The following VWA3B variants were observed in gnomAD, a reference collection of about 807,000 sequenced individuals.
VWA3B encodes the protein von Willebrand factor A domain-containing protein 3B.
In VWA3B, 138 loss-of-function variants were observed where a neutral mutation model predicts 158.3. The ratio of observed to expected loss-of-function variants is 0.87; its 90% confidence interval spans 0.76 to 1.00. VWA3B has a LOEUF of 1.00. Among genes scored for constraint, VWA3B ranks in the 50% least tolerant of loss-of-function variants. The probability of loss-of-function intolerance (pLI) is 0.00; values close to 1 mark genes in which losing one functional copy is unlikely to be tolerated. For missense variants in VWA3B, 1,555 were observed against 1,565.1 expected, an observed-to-expected ratio of 0.99 and a Z score of 0.11; for synonymous variants, 596 against 587.3, an observed-to-expected ratio of 1.01 and a Z score of -0.21.
At chr2:98,183,192 T>C in intron 9 of VWA3B, among the ~76,000 whole-genome samples, 1 of 126,404 alleles carries the variant, frequency 7.9e-6, no homozygotes, top group East Asian at 3.0e-4. Context: ...CAGCTCCCTT[T>C]TTTTTTTTTT....
rs1573815345 is a variant in VWA3B at position 98,119,601 on chromosome 2, C to G, written c.380C>G (p.Thr127Ser). 1 of 1,614,098 alleles carries G rather than the reference C, an allele frequency of 6.2e-7. No homozygotes were observed. Residue 127 changes from threonine to serine, a missense_variant, in exon 4 of 28, where the codon ACC becomes AGC. Transcript: ENST00000477737. ...ESYKQRMDWLTSKSRQIFGVI... is the reference protein window; with the variant it reads ...ESYKQRMDWLSSKSRQIFGVI... ...TACAAGCAGCGAATGGACTGGCTCA[C>G]CAGCAAGAGCCGGCAGATTTTTGGT...
At chr2:98,255,182 A>ATTTTTTTTT (rs769708577) in intron 20 of VWA3B, among the ~76,000 whole-genome samples, 1 of 52,160 alleles carries the variant, frequency 1.9e-5, no homozygotes, top group African/African-American at 7.1e-5. Context: ...CCCGGCTGAT[A>ATTTTTTTTT]TTTTTTTTTT....
intron 22 of VWA3B, among the ~76,000 whole-genome samples, chr2:98,277,483 A>G (rs1688595559): frequency 6.6e-6 from 1 of 152,242 alleles, no homozygotes. Flanking sequence ...CAGAAAGATC[A>G]AAAAGGCTCT....
intron 22 of VWA3B, among the ~76,000 whole-genome samples, chr2:98,286,231 T>G (rs1689159921): frequency 6.6e-6 from 1 of 152,128 alleles, no homozygotes; most frequent in African/African-American, 2.4e-5. Flanking sequence ...AAAGACAGTT[T>G]TACTTGTTCC....
intron 19 of VWA3B, among the ~76,000 whole-genome samples, chr2:98,239,527 TG>T (rs988022536): frequency 5.3e-5 from 8 of 151,422 alleles, no homozygotes; most frequent in Non-Finnish European, 1.0e-4. Context: ...TGTTGGGAGA[TG>T]TTTTTTTTTT....
At position 98,254,897 on chromosome 2, in the gene VWA3B, G is replaced by A. The variant is rs75395957; in HGVS notation, c.2793-1227G>A. On this transcript the variant is annotated intron_variant, in intron 20 of 27. Coordinates refer to ENST00000477737, the MANE Select transcript of VWA3B (RefSeq NM_144992.5). ...GCAGGGCAGGAGAATGCAGCCACCCGAAATGTGTCCTCTGAGCCCTGTCCA... is the reference window on the plus strand; with the variant it reads ...GCAGGGCAGGAGAATGCAGCCACCCAAAATGTGTCCTCTGAGCCCTGTCCA... Among the ~76,000 whole-genome samples, 1,210 of 152,282 alleles carry A rather than the reference G, an allele frequency of 7.9e-3. 20 individuals are homozygous for A. The highest frequency in any genetic ancestry group is 0.028 in the African/African-American group (1,142 of 41,518).
chr2:98,098,717 A>T (rs1306315611), intron 2 of VWA3B, among the ~76,000 whole-genome samples: 2 of 152,100 alleles, frequency 1.3e-5, no homozygotes, highest in African/African-American at 4.8e-5. Flanking sequence ...CAAGGTAATT[A>T]TTGATAAGTA....
chr2:98,218,985 A>G (rs1344155893), intron 14 of VWA3B, among the ~76,000 whole-genome samples: 2 of 152,200 alleles, frequency 1.3e-5, no homozygotes, highest in Non-Finnish European at 2.9e-5. Flanking sequence ...TCCACCTAGG[A>G]AATCTTAAAT....
chr2:98,299,948 GA>G (rs1266402508), intron 24 of VWA3B, 130 bp from the exon 25 acceptor site: 50 of 1,256,580 alleles, frequency 4.0e-5, no homozygotes, highest in Middle Eastern at 2.2e-4. Context: ...TCTTAACTGA[GA>G]AAAAAAATAT....
chr2:98,257,218 G>A (rs1687211923), intron 21 of VWA3B, among the ~76,000 whole-genome samples: 1 of 151,906 alleles, frequency 6.6e-6, no homozygotes, highest in Non-Finnish European at 1.5e-5. Context: ...GTCTTTCTGT[G>A]CCGGGCTTAT....
rs191459219 is a variant in VWA3B, at chr2:98,283,903, G to C, written c.3046-6608G>C. The stretch of plus-strand genomic sequence containing the variant: ...CCTGTTTCTCCTGCCTCCTAGTCCA[G>C]CTCCTTCCTCTGAGGTCATTTCAAG... On this transcript the variant is annotated intron_variant, in intron 22 of 27. Coordinates refer to ENST00000477737, the MANE Select transcript of VWA3B (RefSeq NM_144992.5). Among the ~76,000 whole-genome samples, 446 of 152,336 alleles carry C rather than the reference G, an allele frequency of 2.9e-3. 1 individual carries two copies. Among genetic ancestry groups the C allele is most frequent in the African/African-American group, 9.8e-3 (409 of 41,572 alleles).
chr2:98,282,896 C>T (rs1019175679), intron 22 of VWA3B, among the ~76,000 whole-genome samples: 1 of 152,172 alleles, frequency 6.6e-6, no homozygotes, highest in African/African-American at 2.4e-5. Context: ...AATGCCATAG[C>T]ATTGCTACCA....
intron 5 of VWA3B, among the ~76,000 whole-genome samples, chr2:98,123,220 G>T (rs776939338): frequency 3.9e-5 from 6 of 152,190 alleles, no homozygotes; most frequent in Non-Finnish European, 7.3e-5. Flanking sequence ...AAGGCTTAAA[G>T]AATTTTTTGA....
intron 10 of VWA3B, 147 bp downstream of exon 10, chr2:98,188,276 A>G: frequency 2.7e-6 from 3 of 1,091,128 alleles, no homozygotes; most frequent in Non-Finnish European, 3.8e-6. Flanking sequence ...AGGTGTGTGT[A>G]TACAATGTAC....
chr2:98,234,796 C>T (rs1403904237), intron 17 of VWA3B, 29 bp downstream of exon 17: 3 of 1,613,678 alleles, frequency 1.9e-6, no homozygotes, highest in African/African-American at 1.3e-5. Flanking sequence ...CTGTGGCCAA[C>T]CAGCCTCCCT....
intron 12 of VWA3B, among the ~76,000 whole-genome samples, chr2:98,196,645 C>T (rs570265950): frequency 6.6e-6 from 1 of 152,186 alleles, no homozygotes; most frequent in African/African-American, 2.4e-5. Context: ...ACAGGTGCCA[C>T]CCCCAGACCA....
chr2:98,196,274 T>C (rs1314588839), intron 12 of VWA3B, among the ~76,000 whole-genome samples: 1 of 152,210 alleles, frequency 6.6e-6, no homozygotes, highest in African/African-American at 2.4e-5. Flanking sequence ...ATTTTAAGTG[T>C]TCTCACCACT....
At chr2:98,285,918 A>G (rs772049819) in intron 22 of VWA3B, among the ~76,000 whole-genome samples, 1 of 152,076 alleles carries the variant, frequency 6.6e-6, no homozygotes, top group Non-Finnish European at 1.5e-5. Flanking sequence ...TGAACATGGT[A>G]TGTCACTCTA....
chr2:98,100,651 G>C (rs1683017510), intron 2 of VWA3B, among the ~76,000 whole-genome samples: 1 of 152,132 alleles, frequency 6.6e-6, no homozygotes, highest in African/African-American at 2.4e-5. Flanking sequence ...ACGAGTACCG[G>C]CCTGCAGTCA....
Sources: allele counts gnomAD v4.1 joint callset (sites outside exome capture counted in the v4.1 genomes callset), GRCh38; gene constraint gnomAD v4.1.1; transcripts MANE v1.5; gene names NCBI Gene and HGNC (gene_info 2026-07-23, HGNC 2026-07-21).